SNTB2: variants seen among roughly 807,000 people sequenced by gnomAD.
SNTB2 encodes beta-2-syntrophin.
In SNTB2, 34 loss-of-function variants were observed where a neutral mutation model predicts 46.2. The ratio of observed to expected loss-of-function variants is 0.74; its 90% CI spans 0.56 to 0.98. SNTB2 has a LOEUF of 0.98. Ranked by LOEUF, SNTB2 falls within the 50% of genes least tolerant of loss-of-function variation. The probability of loss-of-function intolerance (pLI) is 0.00; values close to 1 mark genes in which losing one functional copy is unlikely to be tolerated. For synonymous variants in SNTB2, 290 were observed against 312.6 expected, an observed-to-expected ratio of 0.93 and a Z score of 0.76; for missense variants, 603 against 731.4, an observed-to-expected ratio of 0.82 and a Z score of 2.02.
At chr16:69,195,557 A>G (rs1459933263) in intron 1 of SNTB2, among the ~76,000 whole-genome samples, 1 of 151,808 alleles carries the variant, frequency 6.6e-6, no homozygotes, top group Non-Finnish European at 1.5e-5. Flanking sequence ...GGGTGGATCT[A>G]GGTTTAGGTT....
intron 1 of SNTB2, among the ~76,000 whole-genome samples, chr16:69,216,216 T>G (rs1964345914): frequency 6.6e-6 from 1 of 152,226 alleles, no homozygotes; most frequent in Non-Finnish European, 1.5e-5. Flanking sequence ...TACCATGTAC[T>G]CTGTCAATTT....
chr16:69,285,553 C>T (rs1283162174), intron 5 of SNTB2, among the ~76,000 whole-genome samples: 4 of 151,218 alleles, frequency 2.6e-5, no homozygotes, highest in African/African-American at 9.7e-5. Flanking sequence ...GATCCGAGCT[C>T]ACTGCAGCCT....
intron 4 of SNTB2, among the ~76,000 whole-genome samples, chr16:69,271,419 T>C (rs1273269358): frequency 6.6e-6 from 1 of 152,200 alleles, no homozygotes; most frequent in Non-Finnish European, 1.5e-5. Flanking sequence ...TATTTGGTTT[T>C]TTAAATCCCC....
At chr16:69,247,822 A>G (rs1401647903) in intron 2 of SNTB2, among the ~76,000 whole-genome samples, 1 of 152,232 alleles carries the variant, frequency 6.6e-6, no homozygotes, top group Admixed American at 6.5e-5. Context: ...GTATGTTTAA[A>G]AAGTCTTAAC....
At chr16:69,235,963 A>G (rs1390681495) in intron 1 of SNTB2, 2 of 803,712 alleles carry the variant, frequency 2.5e-6, no homozygotes, top group East Asian at 1.4e-4. Flanking sequence ...TTACTTTCGC[A>G]TTAGGATTAA....
chr16:69,227,707 T>C (rs1198759653), intron 1 of SNTB2, among the ~76,000 whole-genome samples: 1 of 152,186 alleles, frequency 6.6e-6, no homozygotes, highest in Non-Finnish European at 1.5e-5. Context: ...AAACAAAAAC[T>C]GTGACATATG....
At chr16:69,243,943 ATAACTT>A (rs953731894) in intron 1 of SNTB2, among the ~76,000 whole-genome samples, 7 of 152,236 alleles carry the variant, frequency 4.6e-5, no homozygotes, top group African/African-American at 1.4e-4. Flanking sequence ...GTATAAGAAA[ATAACTT>A]TAACTCTTCT....
intron 2 of SNTB2, among the ~76,000 whole-genome samples, chr16:69,254,174 G>A (rs996618323): frequency 2.0e-5 from 3 of 152,094 alleles, no homozygotes; most frequent in African/African-American, 7.2e-5. Flanking sequence ...GTGGGATGAG[G>A]GTGATTCTGA....
At chr16:69,209,562 G>A (rs970838208) in intron 1 of SNTB2, among the ~76,000 whole-genome samples, 7 of 152,138 alleles carry the variant, frequency 4.6e-5, no homozygotes, top group Admixed American at 2.0e-4. Flanking sequence ...CATCCCCTAC[G>A]TATTAGTCAG....
At chr16:69,260,006 A>ACTT in intron 2 of SNTB2, 44 bp from the exon 3 acceptor site, 1 of 1,474,528 alleles carries the variant, frequency 6.8e-7, no homozygotes, top group Non-Finnish European at 9.5e-7. Context: ...AGGTTTGGTG[A>ACTT]CTTCTGTCCT....
chr16:69,279,432 T>TG (rs1965015421), intron 4 of SNTB2, among the ~76,000 whole-genome samples: 1 of 151,972 alleles, frequency 6.6e-6, no homozygotes, highest in Admixed American at 6.6e-5. Flanking sequence ...TGGTTAATGC[T>TG]GTAGTGAACA....
intron 1 of SNTB2, among the ~76,000 whole-genome samples, chr16:69,221,380 T>G (rs1964402406): frequency 6.6e-6 from 1 of 152,190 alleles, no homozygotes; most frequent in Non-Finnish European, 1.5e-5. Context: ...TTTATCTCAT[T>G]CCTGAGTTTT....
intron 1 of SNTB2, among the ~76,000 whole-genome samples, chr16:69,213,468 T>C (rs1346126451): frequency 6.6e-6 from 1 of 151,950 alleles, no homozygotes; most frequent in East Asian, 1.9e-4. Flanking sequence ...TTTTTCATTC[T>C]AATAGTCTGT....
intron 1 of SNTB2, among the ~76,000 whole-genome samples, chr16:69,203,790 G>T (rs542684545): frequency 6.6e-6 from 1 of 151,668 alleles, no homozygotes; most frequent in African/African-American, 2.4e-5. Context: ...TTTTTGAGGC[G>T]GAGTTTCACT....
At chr16:69,245,359 A>G (rs1964660328) in intron 1 of SNTB2, among the ~76,000 whole-genome samples, 1 of 151,752 alleles carries the variant, frequency 6.6e-6, no homozygotes, top group African/African-American at 2.4e-5. Flanking sequence ...ACGCTCACCT[A>G]ATTTTTTGTA....
In SNTB2 at chr16:69,280,846, G is replaced by A. The variant is rs1597198590; in HGVS notation, c.1149-3202G>A. Among the ~76,000 whole-genome samples, 5 of 150,644 alleles carry A rather than the reference G, an allele frequency of 3.3e-5. No homozygotes were observed. In the South Asian group the frequency reaches 1.0e-3, roughly 32 times the overall value. Reference sequence around the variant, plus strand: ...GGAGTCTCGCTCTGTTGCCCAGGCTGCAGTGCAGTGGCGCAGTCTTGGCTC... The same window carrying A: ...GGAGTCTCGCTCTGTTGCCCAGGCTACAGTGCAGTGGCGCAGTCTTGGCTC... On this transcript the variant is annotated intron_variant, in intron 4 of 6. Coordinates refer to ENST00000336278, the MANE Select transcript of SNTB2 (RefSeq NM_006750.4).
chr16:69,275,109 T>A (rs1057379815), intron 4 of SNTB2, among the ~76,000 whole-genome samples: 10 of 151,862 alleles, frequency 6.6e-5, no homozygotes, highest in African/African-American at 2.2e-4. Flanking sequence ...CTCACTCTGT[T>A]GTCCAGTCTA....
intron 1 of SNTB2, among the ~76,000 whole-genome samples, chr16:69,201,640 T>C (rs906920428): frequency 3.9e-5 from 6 of 152,168 alleles, no homozygotes; most frequent in African/African-American, 1.4e-4. Context: ...TTTTGTTAGA[T>C]TATTGTCAAC....
intron 1 of SNTB2, among the ~76,000 whole-genome samples, chr16:69,210,028 T>A (rs1340052762): frequency 4.0e-5 from 6 of 149,456 alleles, no homozygotes; most frequent in South Asian, 4.2e-4. Context: ...AATTTTTTTT[T>A]TTTTTTTTTT....
Sources: gnomAD v4.1 joint callset for allele counts (sites outside exome capture counted in the v4.1 genomes callset) on GRCh38, gnomAD v4.1.1 for gene constraint, MANE v1.5 for transcripts, NCBI Gene and HGNC (gene_info 2026-07-23, HGNC 2026-07-21) for gene names.